Variants in CDH20 observed in about 807,000 individuals in gnomAD.
CDH20 encodes cadherin 20.
Under a neutral mutation model 74.2 loss-of-function variants are expected in CDH20, and 29 were observed. The ratio of observed to expected loss-of-function variants is 0.39; its 90% CI spans 0.29 to 0.53. The LOEUF (loss-of-function observed/expected upper bound fraction) is 0.53. CDH20 is among the 20% of genes least tolerant of loss of function. The probability of loss-of-function intolerance (pLI) is 0.69; values close to 1 mark genes in which losing one functional copy is unlikely to be tolerated. For synonymous variants in CDH20, 469 were observed against 405.4 expected (o/e 1.16, Z -1.88); for missense variants, 988 against 1,048.3 (o/e 0.94, Z 0.79).
chr18:61,363,178 G>T (rs765871844), intron 1 of CDH20, among the ~76,000 whole-genome samples: 1 of 152,128 alleles, frequency 6.6e-6, no homozygotes. Flanking sequence ...AAAGTTTACC[G>T]TCTAGCTTGG....
rs1007184086 is a variant in CDH20 at position 61,555,407 on chromosome 18, G to C, written c.*712G>C. The C allele has an allele frequency of 3.0e-6, 3 of 985,326 alleles. No homozygotes were observed. The East Asian group carries it at 3.4e-4, about 112-fold the overall frequency. The allele number at this position is 985,326 out of a possible 1,614,324, so 61.0% of individuals were successfully genotyped here. On this transcript the variant is annotated 3_prime_UTR_variant, in exon 12 of 12. Transcript: ENST00000262717. ...GTTAGAGTGCTCGTGTCTCCTCTCAGCTATTTAACTGTGCCCCTGCAAAAT... is the reference window on the plus strand; with the variant it reads ...GTTAGAGTGCTCGTGTCTCCTCTCACCTATTTAACTGTGCCCCTGCAAAAT...
At chr18:61,440,820 T>C (rs964592322) in intron 1 of CDH20, among the ~76,000 whole-genome samples, 1 of 152,122 alleles carries the variant, frequency 6.6e-6, no homozygotes, top group African/African-American at 2.4e-5. Flanking sequence ...GGCACAGGTC[T>C]CTTGAGGTCT....
intron 2 of CDH20, among the ~76,000 whole-genome samples, chr18:61,496,253 T>G (rs1219655879): frequency 6.2e-5 from 5 of 81,100 alleles, no homozygotes; most frequent in African/African-American, 2.6e-4. Context: ...CTCCCCGCCT[T>G]CTCCCTTCCT....
At chr18:61,538,924 G>A (rs939507573) in intron 8 of CDH20, 100 bp from the exon 9 acceptor site, 47 of 1,364,368 alleles carry the variant, frequency 3.4e-5, no homozygotes, top group East Asian at 1.2e-4. Flanking sequence ...GAGCCACTGC[G>A]CCCAGTCGTA....
chr18:61,371,578 A>G (rs1465165472), intron 1 of CDH20, among the ~76,000 whole-genome samples: 1 of 152,112 alleles, frequency 6.6e-6, no homozygotes, highest in Non-Finnish European at 1.5e-5. Flanking sequence ...GAGAAAAATG[A>G]GGTATTTTCT....
chr18:61,536,661 G>A, intron 8 of CDH20, 32 bp downstream of exon 8: 1 of 1,600,734 alleles, frequency 6.2e-7, no homozygotes, highest in South Asian at 1.1e-5. Context: ...TCTCCATGCA[G>A]TGACAAAATA....
chr18:61,361,962 C>G (rs1214685465), intron 1 of CDH20, among the ~76,000 whole-genome samples: 1 of 152,074 alleles, frequency 6.6e-6, no homozygotes, highest in Non-Finnish European at 1.5e-5. Context: ...TTCAAGCATT[C>G]TCTTGGTCTT....
intron 1 of CDH20, among the ~76,000 whole-genome samples, chr18:61,368,139 C>T (rs1243013551): frequency 2.0e-5 from 3 of 151,986 alleles, no homozygotes; most frequent in Non-Finnish European, 1.5e-5. Context: ...TTACATTGGG[C>T]CTGCTTGGAT....
At chr18:61,387,362 G>T (rs960114952) in intron 1 of CDH20, among the ~76,000 whole-genome samples, 1 of 152,162 alleles carries the variant, frequency 6.6e-6, no homozygotes, top group Non-Finnish European at 1.5e-5. Flanking sequence ...ACTCAAAGTT[G>T]CAGCAACATG....
intron 10 of CDH20, 141 bp downstream of exon 10, chr18:61,545,285 T>C (rs963304207): frequency 3.1e-6 from 2 of 648,248 alleles, no homozygotes; most frequent in Non-Finnish European, 5.5e-6. Context: ...TGTATTTTTT[T>C]TTTTTTTTTT....
At chr18:61,412,325 A>G (rs1333018191) in intron 1 of CDH20, among the ~76,000 whole-genome samples, 1 of 152,194 alleles carries the variant, frequency 6.6e-6, no homozygotes, top group East Asian at 1.9e-4. Flanking sequence ...GGTTGGCAAA[A>G]TTTTGTTATG....
At position 61,554,753 on chromosome 18, in the gene CDH20, G is replaced by A; in HGVS notation, c.*58G>A. The A allele has an allele frequency of 6.8e-7, 1 of 1,480,524 alleles. No homozygotes were observed. The highest frequency in any genetic ancestry group is 9.0e-7 in the Non-Finnish European group (1 of 1,115,244). 91.7% of individuals were successfully genotyped at this position (1,480,524 alleles called of 1,614,324 possible). A position where few individuals can be genotyped will look rare whatever the true frequency, so the allele number is the denominator to read the frequency against. ...CAGACGTTCTCCGCGGGTGCTTCGC[G>A]GACAAGGTGCAGCCAACCACACGAG... On this transcript the variant is annotated 3_prime_UTR_variant, in exon 12 of 12. Coordinates refer to ENST00000262717, the MANE Select transcript of CDH20 (RefSeq NM_031891.4).
Position 61,507,551 on chromosome 18 carries a change from T to C in CDH20, c.1008T>C (p.Thr336=). The change falls in exon 6 of 12, where the codon ACT becomes ACC. Residue 336 remains threonine, a synonymous_variant. Transcript: ENST00000262717. ...TDPNFQVGII[T]VKKPLSFESK... is the part of the protein sequence containing the mutation. ...CCAATTTCCAAGTTGGTATCATAAC[T>C]GTGAAGAAGGTAATCCAACTCCTTT... The C allele has an allele frequency of 3.7e-6, 6 of 1,605,918 alleles. No individual in the cohort carries two copies. Among genetic ancestry groups the C allele is most frequent in the Non-Finnish European group, 5.1e-6 (6 of 1,176,162 alleles).
chr18:61,531,038 C>T (rs538004105), intron 7 of CDH20, among the ~76,000 whole-genome samples: 2 of 152,312 alleles, frequency 1.3e-5, no homozygotes, highest in East Asian at 1.9e-4. Context: ...ACATAATTCA[C>T]GAGTGTGTCC....
intron 1 of CDH20, among the ~76,000 whole-genome samples, chr18:61,482,017 A>C (rs1228217654): frequency 1.4e-3 from 214 of 151,492 alleles, no homozygotes; most frequent in East Asian, 0.012. Flanking sequence ...GACAAATAAA[A>C]AAAAAAAAAC....
intron 6 of CDH20, among the ~76,000 whole-genome samples, chr18:61,514,099 C>A (rs1341115740): frequency 2.0e-5 from 3 of 152,176 alleles, no homozygotes; most frequent in Admixed American, 6.5e-5. Flanking sequence ...GCGTGTTTTC[C>A]AACTTGGTTC....
intron 1 of CDH20, among the ~76,000 whole-genome samples, chr18:61,368,159 T>C (rs950034524): frequency 3.3e-5 from 5 of 152,046 alleles, no homozygotes; most frequent in African/African-American, 9.7e-5. Flanking sequence ...TAATCCAGGA[T>C]AATCTTATTT....
At chr18:61,343,114 T>G (rs1430927942) in intron 1 of CDH20, among the ~76,000 whole-genome samples, 3 of 152,234 alleles carry the variant, frequency 2.0e-5, no homozygotes, top group Non-Finnish European at 4.4e-5. Context: ...CATCTTTATA[T>G]GCCCTGAACC....
At chr18:61,385,780 A>T (rs1001453900) in intron 1 of CDH20, among the ~76,000 whole-genome samples, 1 of 151,986 alleles carries the variant, frequency 6.6e-6, no homozygotes, top group Non-Finnish European at 1.5e-5. Context: ...AAATACAAAA[A>T]TTAGCCAGGT....
Sources: allele counts gnomAD v4.1 joint callset (sites outside exome capture counted in the v4.1 genomes callset), GRCh38; gene constraint gnomAD v4.1.1; transcripts MANE v1.5; gene names NCBI Gene and HGNC (gene_info 2026-07-23, HGNC 2026-07-21).